Variants in TENM1 observed in about 807,000 individuals in gnomAD.
The protein encoded by TENM1 is teneurin transmembrane protein 1.
TENM1 carries 35 observed loss-of-function variants against 174.8 expected under a neutral mutation model. That is an observed-to-expected ratio of 0.20 (90% CI 0.15 to 0.27). The LOEUF is 0.27. Among genes scored for constraint, TENM1 ranks in the 10% least tolerant of loss-of-function variants. The pLI, the probability that TENM1 is intolerant of heterozygous loss-of-function variation, is 1.00. For missense variants in TENM1, 1,633 were observed against 2,130.1 expected (o/e 0.77, Z 4.59); for synonymous variants, 781 against 798.7 (o/e 0.98, Z 0.37).
chrX:124,442,063 A>G (rs748919861), intron 23 of TENM1, among the ~76,000 whole-genome samples: 1 of 112,098 alleles, frequency 8.9e-6, no homozygotes, highest in South Asian at 3.8e-4. Flanking sequence ...GTGTTTTCAA[A>G]TATTTCAGAT....
the TENM1 span, among the ~76,000 whole-genome samples, chrX:125,040,611 T>C: frequency 9.0e-6 from 1 of 111,656 alleles, no homozygotes; most frequent in African/African-American, 3.2e-5. Context: ...TCAGTTATGA[T>C]ATTTTAAAAC....
chrX:125,071,888 A>ATAAG, the TENM1 span, among the ~76,000 whole-genome samples: 1 of 111,313 alleles, frequency 9.0e-6, no homozygotes, highest in East Asian at 2.8e-4. Flanking sequence ...AATAAAATAT[A>ATAAG]TAAGTATAAA....
rs191726381 is a variant in TENM1 at position 124,679,117 on chromosome X, A to C, written c.1016-7282T>G. The stretch of plus-strand genomic sequence containing the variant: ...TGGGTTTTTATTTTCTAAATCCACT[A>C]AATAAACCTATTTAGAAAGTTTGAA... On this transcript the variant is annotated intron_variant, in intron 5 of 31. Coordinates refer to ENST00000422452, the Ensembl canonical transcript of TENM1. 4.1e-3 allele frequency among the ~76,000 whole-genome samples: 458 copies of C among 112,591 alleles called. 4 individuals are homozygous for C. The highest frequency in any genetic ancestry group is 0.014 in the African/African-American group (436 of 31,199).
At chrX:124,848,658 T>C (rs751203692) in intron 3 of TENM1, among the ~76,000 whole-genome samples, 34 of 110,979 alleles carry the variant, frequency 3.1e-4, no homozygotes, top group Admixed American at 1.6e-3. Flanking sequence ...AATATGTACA[T>C]ACATAGAATT....
the TENM1 span, among the ~76,000 whole-genome samples, chrX:125,200,556 A>C: frequency 1.5e-4 from 16 of 110,109 alleles, no homozygotes; most frequent in East Asian, 1.4e-3. Flanking sequence ...GCAATTTAAC[A>C]AATATATATA....
At chrX:124,859,396 T>G (rs966766876) in intron 3 of TENM1, among the ~76,000 whole-genome samples, 2 of 108,736 alleles carry the variant, frequency 1.8e-5, no homozygotes, top group Non-Finnish European at 3.8e-5. Flanking sequence ...CTACAAAAAT[T>G]AGCCAGGCAC....
chrX:124,564,167 T>TA (rs762924130), intron 12 of TENM1, among the ~76,000 whole-genome samples: 9 of 111,498 alleles, frequency 8.1e-5, no homozygotes, highest in Non-Finnish European at 1.3e-4. Context: ...TCCTCTTATG[T>TA]AAAGGCAATA....
At chrX:124,859,389 C>A (rs1420268047) in intron 3 of TENM1, among the ~76,000 whole-genome samples, 1 of 108,016 alleles carries the variant, frequency 9.3e-6, no homozygotes, top group Non-Finnish European at 1.9e-5. Flanking sequence ...CTAAAAACTA[C>A]AAAAATTAGC....
At chrX:124,972,125 C>T in the TENM1 span, among the ~76,000 whole-genome samples, 1 of 108,343 alleles carries the variant, frequency 9.2e-6, no homozygotes, top group Non-Finnish European at 1.9e-5. Flanking sequence ...CCCAGCTATT[C>T]GGGATGCTGA....
At chrX:124,585,589 G>T (rs1346001864) in intron 11 of TENM1, among the ~76,000 whole-genome samples, 1 of 111,358 alleles carries the variant, frequency 9.0e-6, no homozygotes, top group Non-Finnish European at 1.9e-5. Flanking sequence ...AAGCAGGAAA[G>T]ATCTAAAATT....
intron 22 of TENM1, among the ~76,000 whole-genome samples, chrX:124,471,363 GTAC>G (rs2061317937): frequency 5.8e-5 from 2 of 34,241 alleles, no homozygotes; most frequent in Admixed American, 5.9e-4. Flanking sequence ...ATAATATATA[GTAC>G]TATATATTAT....
At chrX:124,970,382 C>T in the TENM1 span, among the ~76,000 whole-genome samples, 2 of 111,845 alleles carry the variant, frequency 1.8e-5, no homozygotes, top group Admixed American at 9.5e-5. Flanking sequence ...GAAATGAGGC[C>T]ACACAGTGCC....
intron 3 of TENM1, among the ~76,000 whole-genome samples, chrX:124,758,002 AG>A (rs899153023): frequency 8.0e-5 from 9 of 112,105 alleles, no homozygotes; most frequent in Admixed American, 5.7e-4. Context: ...TTTTTGAAAA[AG>A]GGCTTTAAAA....
chrX:124,415,462 C>T (rs1158647227), intron 25 of TENM1, among the ~76,000 whole-genome samples: 1 of 111,428 alleles, frequency 9.0e-6, no homozygotes, highest in Non-Finnish European at 1.9e-5. Flanking sequence ...TTTACTGCTA[C>T]TTGAGGGGAA....
At chrX:125,126,378 C>T in the TENM1 span, among the ~76,000 whole-genome samples, 1 of 111,518 alleles carries the variant, frequency 9.0e-6, no homozygotes, top group Non-Finnish European at 1.9e-5. Context: ...CAGCCCATTG[C>T]TTTACAGACA....
chrX:124,804,632 A>T lies in TENM1; in HGVS notation c.536-67435T>A, dbSNP rs748070112. On this transcript the variant is annotated intron_variant, in intron 3 of 31. Transcript: ENST00000422452. ...ACAAAGAACGAAAATTCTTCTTCCTAAATTTTGTATATCATCACCTGTGAA... is the reference window on the plus strand; with the variant it reads ...ACAAAGAACGAAAATTCTTCTTCCTTAATTTTGTATATCATCACCTGTGAA... 7.1e-5 allele frequency among the ~76,000 whole-genome samples: 8 copies of T among 112,171 alleles called. No individual in the cohort carries two copies. The East Asian group carries it at 2.2e-3, about 31-fold the overall frequency.
the TENM1 span, among the ~76,000 whole-genome samples, chrX:125,194,267 C>T: frequency 9.9e-5 from 11 of 111,518 alleles, no homozygotes; most frequent in African/African-American, 3.6e-4. Flanking sequence ...GTCACTCCCT[C>T]CTTCTTCCTC....
chrX:124,440,518 A>T (rs1293690527), intron 23 of TENM1, among the ~76,000 whole-genome samples: 2 of 111,865 alleles, frequency 1.8e-5, no homozygotes, highest in African/African-American at 6.5e-5. Flanking sequence ...CAGTTTTTAC[A>T]TCTAGTACTG....
chrX:124,406,647 TAA>T (rs1258663269), intron 25 of TENM1, among the ~76,000 whole-genome samples, 158 bp from the exon 29 acceptor site: 1 of 112,270 alleles, frequency 8.9e-6, no homozygotes, highest in African/African-American at 3.2e-5. Context: ...GAGAGATGAT[TAA>T]TCAAACGAAG....
Sources: gnomAD v4.1 joint callset for allele counts (sites outside exome capture counted in the v4.1 genomes callset) on GRCh38, gnomAD v4.1.1 for gene constraint, MANE v1.5 for transcripts, NCBI Gene and HGNC (gene_info 2026-07-23, HGNC 2026-07-21) for gene names.